MCUB: variants seen among roughly 807,000 people sequenced by gnomAD.
The protein encoded by MCUB is mitochondrial calcium uniporter dominant negative subunit beta, also known as calcium uniporter regulatory subunit MCUb, mitochondrial.
MCUB carries 46 observed loss-of-function variants against 41.4 expected under a neutral mutation model. That is an observed-to-expected ratio of 1.11 (90% CI 0.88 to 1.42). MCUB has a LOEUF of 1.42. Ranked by LOEUF, MCUB falls within the 40% of genes most tolerant of loss-of-function variation. The pLI, the probability that MCUB is intolerant of heterozygous loss-of-function variation, is 0.00. For synonymous variants in MCUB, 148 were observed against 148.2 expected (o/e 1.00, Z 0.01); for missense variants, 403 against 404.9 (o/e 1.00, Z 0.04).
In MCUB at chr4:109,675,279, C is replaced by A. The variant is rs557758975; in HGVS notation, c.452-7303C>A. On this transcript the variant is annotated intron_variant, in intron 4 of 7. Transcript: ENST00000394650. ...GAACTCAGATAAACATTTCGTGCCA[C>A]TTGACAAAGACTCTCACCTTGACTA... 2.7e-4 allele frequency among the ~76,000 whole-genome samples: 41 copies of A among 152,348 alleles called. No individual in the cohort carries two copies. The South Asian group carries it at 7.9e-3, about 29-fold the overall frequency.
At chr4:109,668,055 T>G (rs1223082242) in intron 4 of MCUB, among the ~76,000 whole-genome samples, 2 of 152,060 alleles carry the variant, frequency 1.3e-5, no homozygotes, top group African/African-American at 4.8e-5. Context: ...TTTATAGCCT[T>G]CATTGTGATC....
chr4:109,623,807 A>G (rs546308990), intron 1 of MCUB, among the ~76,000 whole-genome samples: 30 of 152,164 alleles, frequency 2.0e-4, no homozygotes, highest in Non-Finnish European at 3.5e-4. Flanking sequence ...TTTCTTCCAC[A>G]GGCAAGAGAA....
At chr4:109,598,464 C>T (rs920057081) in intron 1 of MCUB, among the ~76,000 whole-genome samples, 4 of 151,882 alleles carry the variant, frequency 2.6e-5, no homozygotes, top group Non-Finnish European at 2.9e-5. Context: ...GGCGTGGCAG[C>T]GCGTGCCTGC....
At chr4:109,657,460 A>C (rs1206070198) in intron 1 of MCUB, among the ~76,000 whole-genome samples, 1 of 152,198 alleles carries the variant, frequency 6.6e-6, no homozygotes, top group Admixed American at 6.5e-5. Context: ...TTATTTTAAT[A>C]GTGTACCCTC....
intron 1 of MCUB, among the ~76,000 whole-genome samples, chr4:109,609,947 T>C (rs1727968154): frequency 6.6e-6 from 1 of 152,082 alleles, no homozygotes; most frequent in African/African-American, 2.4e-5. Flanking sequence ...ATCTGCCTGG[T>C]TCTCTGTTCT....
At chr4:109,579,459 A>G (rs944008891) in intron 1 of MCUB, among the ~76,000 whole-genome samples, 5 of 152,132 alleles carry the variant, frequency 3.3e-5, no homozygotes, top group Non-Finnish European at 7.4e-5. Context: ...CATGTTGGCC[A>G]AGATGGTCTC....
chr4:109,612,696 T>G (rs886833619), intron 1 of MCUB, among the ~76,000 whole-genome samples: 1 of 152,054 alleles, frequency 6.6e-6, no homozygotes, highest in Non-Finnish European at 1.5e-5. Context: ...AACATATAAA[T>G]GGGGGAGAGG....
chr4:109,590,703 A>G (rs1189724091), intron 1 of MCUB, among the ~76,000 whole-genome samples: 1 of 151,946 alleles, frequency 6.6e-6, no homozygotes, highest in East Asian at 1.9e-4. Flanking sequence ...AGTTTTAGGC[A>G]TTTTCTGTTG....
intron 1 of MCUB, among the ~76,000 whole-genome samples, chr4:109,640,196 G>A (rs1215411591): frequency 1.3e-5 from 2 of 152,202 alleles, no homozygotes; most frequent in East Asian, 1.9e-4. Context: ...GTGCATTATC[G>A]CAAGGGCGGG....
At chr4:109,622,785 G>T (rs925583421) in intron 1 of MCUB, among the ~76,000 whole-genome samples, 3 of 152,102 alleles carry the variant, frequency 2.0e-5, no homozygotes, top group Non-Finnish European at 4.4e-5. Flanking sequence ...TGTGCATTTG[G>T]TCGAAACTGT....
At chr4:109,582,462 A>G (rs982954714) in intron 1 of MCUB, among the ~76,000 whole-genome samples, 4 of 151,670 alleles carry the variant, frequency 2.6e-5, no homozygotes. Context: ...CCAACATGGC[A>G]CATGTATACA....
At position 109,571,303 on chromosome 4, in the gene MCUB, C is replaced by CTTTA. The variant is rs34814494; in HGVS notation, c.99+10891_99+10894dup. Reference sequence around the variant, plus strand: ...GAAACAAAAAAACCTAATGATTAAACTTTATTTATTTATTTATTTATTTAT... The same window carrying CTTTA: ...GAAACAAAAAAACCTAATGATTAAACTTTATTTATTTATTTATTTATTTATTTAT... On this transcript the variant is annotated intron_variant, in intron 1 of 7. Coordinates refer to ENST00000394650, the MANE Select transcript of MCUB (RefSeq NM_017918.5). 7.9e-4 allele frequency among the ~76,000 whole-genome samples: 119 copies of CTTTA among 151,252 alleles called. 1 individual carries two copies. The highest frequency in any genetic ancestry group is 3.4e-3 in the Middle Eastern group (1 of 292).
chr4:109,659,315 G>T (rs1456225627), intron 2 of MCUB, among the ~76,000 whole-genome samples: 3 of 152,038 alleles, frequency 2.0e-5, no homozygotes, highest in Non-Finnish European at 4.4e-5. Flanking sequence ...GCAATAGTCG[G>T]GTGGGTGTGG....
intron 1 of MCUB, among the ~76,000 whole-genome samples, chr4:109,562,881 GAAA>G (rs67010659): frequency 1.3e-5 from 2 of 149,708 alleles, no homozygotes; most frequent in Non-Finnish European, 3.0e-5. Flanking sequence ...TGGGTGAGGG[GAAA>G]AAAAAACAGT....
chr4:109,571,510 A>G (rs915055095), intron 1 of MCUB, among the ~76,000 whole-genome samples: 79 of 152,050 alleles, frequency 5.2e-4, no homozygotes, highest in Non-Finnish European at 4.4e-4. Context: ...ATGGGGTTTC[A>G]CCATATTGGT....
intron 1 of MCUB, among the ~76,000 whole-genome samples, chr4:109,597,273 C>A (rs1259281354): frequency 1.3e-5 from 2 of 151,830 alleles, no homozygotes; most frequent in African/African-American, 4.8e-5. Context: ...GGGTGGTGGC[C>A]GGGCAGAGGG....
At chr4:109,679,454 C>T (rs11932341) in intron 4 of MCUB, among the ~76,000 whole-genome samples, 1,668 of 152,222 alleles carry the variant, frequency 0.011, 37 homozygotes, top group African/African-American at 0.038. Context: ...GAGACCAGCC[C>T]GGTCAACACG....
intron 1 of MCUB, among the ~76,000 whole-genome samples, chr4:109,626,882 G>C (rs978072734): frequency 6.7e-6 from 1 of 148,586 alleles, no homozygotes; most frequent in Non-Finnish European, 1.5e-5. Flanking sequence ...CAAGACTGTA[G>C]TAAACAACTT....
chr4:109,560,381 C>T lies in MCUB; in HGVS notation c.44C>T (p.Pro15Leu), dbSNP rs1235624324. The T allele has an allele frequency of 1.5e-6, 2 of 1,332,152 alleles. No homozygotes were observed. The highest frequency in any genetic ancestry group is 9.6e-7 in the Non-Finnish European group (1 of 1,041,284). 82.5% of individuals were successfully genotyped at this position (1,332,152 alleles called of 1,614,324 possible). Residue 15 changes from proline (P) to leucine (L), a missense_variant, in exon 1 of 8, where the codon CCG becomes CTG. Transcript: ENST00000394650. The stretch of plus-strand genomic sequence containing the variant: ...TGGCCGTGGCGCACGCGGCTGCTGC[C>T]GACCCCTGGCACCTGGCGCCCAGCG... ...GLWPWRTRLL[P>L]TPGTWRPARP...
Sources: allele counts gnomAD v4.1 joint callset (sites outside exome capture counted in the v4.1 genomes callset), GRCh38; gene constraint gnomAD v4.1.1; transcripts MANE v1.5; gene names NCBI Gene and HGNC (gene_info 2026-07-23, HGNC 2026-07-21).